Variants in NFIB observed in about 807,000 individuals in gnomAD.
NFIB encodes nuclear factor I B, also known as nuclear factor 1 B-type.
Under a neutral mutation model 61.5 loss-of-function variants are expected in NFIB, and 11 were observed. The observed-to-expected ratio is 0.18, with a 90% confidence interval of 0.11 to 0.30. The LOEUF (loss-of-function observed/expected upper bound fraction) is 0.30, where lower values mean the gene tolerates loss of function less well. NFIB is among the 10% of genes least tolerant of loss of function. The pLI, the probability that NFIB is intolerant of heterozygous loss-of-function variation, is 1.00. For synonymous variants in NFIB, 260 were observed against 216.5 expected, an observed-to-expected ratio of 1.20 and a Z score of -1.76; for missense variants, 471 against 608.9, an observed-to-expected ratio of 0.77 and a Z score of 2.38.
the NFIB span, among the ~76,000 whole-genome samples, chr9:14,514,025 A>G: frequency 6.6e-6 from 1 of 152,192 alleles, no homozygotes; most frequent in Non-Finnish European, 1.5e-5. Context: ...TTAGGGCCTT[A>G]ATAATTTTTA....
At chr9:14,427,482 G>T in the NFIB span, among the ~76,000 whole-genome samples, 1 of 152,150 alleles carries the variant, frequency 6.6e-6, no homozygotes, top group Non-Finnish European at 1.5e-5. Context: ...GTAATTGGTG[G>T]AGCTTAAATT....
At chr9:14,228,803 C>CA (rs1415224369) in intron 2 of NFIB, among the ~76,000 whole-genome samples, 1 of 152,126 alleles carries the variant, frequency 6.6e-6, no homozygotes. Flanking sequence ...GTGTGTTACT[C>CA]ATGTGGTTTC....
the NFIB span, among the ~76,000 whole-genome samples, chr9:14,426,813 C>A: frequency 6.6e-6 from 1 of 152,152 alleles, no homozygotes; most frequent in South Asian, 2.1e-4. Context: ...ACTTCCCTGC[C>A]TGGGGAACCT....
chr9:14,453,943 C>A, the NFIB span, among the ~76,000 whole-genome samples: 1 of 151,794 alleles, frequency 6.6e-6, no homozygotes, highest in Non-Finnish European at 1.5e-5. Context: ...TAGCTGGGCA[C>A]GGTGGGCACC....
At chr9:14,260,252 C>A (rs1461032951) in intron 2 of NFIB, among the ~76,000 whole-genome samples, 2 of 152,160 alleles carry the variant, frequency 1.3e-5, no homozygotes, top group East Asian at 3.9e-4. Context: ...CCTCTGGTCT[C>A]CTGGTCCACC....
At chr9:14,471,443 G>C in the NFIB span, among the ~76,000 whole-genome samples, 1 of 152,194 alleles carries the variant, frequency 6.6e-6, no homozygotes, top group Admixed American at 6.5e-5. Context: ...CATCATATGG[G>C]CCAAATATTG....
intron 2 of NFIB, among the ~76,000 whole-genome samples, chr9:14,290,123 G>A (rs1299513068): frequency 1.3e-5 from 2 of 152,028 alleles, no homozygotes; most frequent in Non-Finnish European, 2.9e-5. Context: ...AATCTATCAT[G>A]TCTTTGTACT....
chr9:14,486,850 A>G, the NFIB span, among the ~76,000 whole-genome samples: 3 of 152,182 alleles, frequency 2.0e-5, no homozygotes, highest in African/African-American at 7.2e-5. Flanking sequence ...TCTATATTTT[A>G]TTGTTTTCTA....
intron 2 of NFIB, among the ~76,000 whole-genome samples, chr9:14,277,358 C>CAT (rs2058072016): frequency 6.6e-6 from 1 of 151,866 alleles, no homozygotes; most frequent in African/African-American, 2.4e-5. Context: ...CACACACACA[C>CAT]ACACACACAC....
At chr9:14,231,933 T>G (rs985207347) in intron 2 of NFIB, among the ~76,000 whole-genome samples, 1 of 152,154 alleles carries the variant, frequency 6.6e-6, no homozygotes, top group Admixed American at 6.5e-5. Context: ...AAATATACTA[T>G]TACAGGACTT....
At chr9:14,305,728 T>A (rs1197566450) in intron 2 of NFIB, 1 of 233,814 alleles carries the variant, frequency 4.3e-6, no homozygotes, top group African/African-American at 2.2e-5. Flanking sequence ...GGGCCTAGAA[T>A]TCAGAGTCAA....
At chr9:14,209,113 C>T (rs368195298) in intron 2 of NFIB, among the ~76,000 whole-genome samples, 42 of 152,308 alleles carry the variant, frequency 2.8e-4, no homozygotes, top group African/African-American at 9.6e-4. Context: ...CATCACAGCC[C>T]AGCCTTTTTC....
the NFIB span, among the ~76,000 whole-genome samples, chr9:14,419,604 G>A: frequency 6.6e-6 from 1 of 152,150 alleles, no homozygotes; most frequent in Non-Finnish European, 1.5e-5. Flanking sequence ...TGCATGTTAC[G>A]TAGCTGGCCC....
intron 10 of NFIB, among the ~76,000 whole-genome samples, chr9:14,109,337 G>A (rs538104607): frequency 1.7e-4 from 26 of 152,028 alleles, no homozygotes; most frequent in Non-Finnish European, 3.4e-4. Context: ...CAATGTGTTC[G>A]TGAATTATAA....
At position 14,085,599 on chromosome 9, in the gene NFIB, G is replaced by A; in HGVS notation, c.*2710C>T. 4.5e-6 allele frequency: 1 copy of A among 220,066 alleles called. No individual in the cohort carries two copies. The highest frequency in any genetic ancestry group is 2.2e-5 in the African/African-American group (1 of 44,694). 13.6% of individuals were successfully genotyped at this position (220,066 alleles called of 1,614,324 possible). ...AAAAGGGGAGATAAAATGAAAACAGGATTTACTTTTTTGTTCCTTAAAAAT... is the reference window on the plus strand; with the variant it reads ...AAAAGGGGAGATAAAATGAAAACAGAATTTACTTTTTTGTTCCTTAAAAAT... On this transcript the variant is annotated 3_prime_UTR_variant, in exon 11 of 11. Transcript: ENST00000380953.
chr9:14,189,411 C>A (rs2047697662), intron 2 of NFIB, among the ~76,000 whole-genome samples: 1 of 152,060 alleles, frequency 6.6e-6, no homozygotes, highest in African/African-American at 2.4e-5. Flanking sequence ...TTTCATCTTG[C>A]CCAGTGGCAA....
chr9:14,114,773 G>C (rs1456657279), intron 9 of NFIB, among the ~76,000 whole-genome samples: 1 of 152,156 alleles, frequency 6.6e-6, no homozygotes, highest in Admixed American at 6.5e-5. Flanking sequence ...GTAGGCATCA[G>C]AGTTTCTAGA....
chr9:14,308,331 C>CACAA (rs911682614), intron 1 of NFIB, among the ~76,000 whole-genome samples: 2 of 151,996 alleles, frequency 1.3e-5, no homozygotes, highest in African/African-American at 4.8e-5. Context: ...TCCCAACACA[C>CACAA]ACACACACAC....
chr9:14,092,401 C>G (rs1191440645), intron 10 of NFIB, among the ~76,000 whole-genome samples: 1 of 151,994 alleles, frequency 6.6e-6, no homozygotes, highest in African/African-American at 2.4e-5. Context: ...CATGAGATGG[C>G]CATCAGTATC....
Sources: gnomAD v4.1 joint callset for allele counts (sites outside exome capture counted in the v4.1 genomes callset) on GRCh38, gnomAD v4.1.1 for gene constraint, MANE v1.5 for transcripts, NCBI Gene and HGNC (gene_info 2026-07-23, HGNC 2026-07-21) for gene names.